The following CDC14A variants were observed in gnomAD, a reference collection of about 807,000 sequenced individuals.
CDC14A encodes the protein dual specificity protein phosphatase CDC14A.
A neutral mutation model predicts 74.4 loss-of-function variants in CDC14A; 53 were observed. That is an observed-to-expected ratio of 0.71 (90% confidence interval 0.57 to 0.89). CDC14A has a LOEUF of 0.89. Among genes scored for constraint, CDC14A ranks in the 40% least tolerant of loss-of-function variants. The pLI is 0.00. For missense variants in CDC14A, 646 were observed against 713.7 expected (o/e 0.91, Z 1.08); for synonymous variants, 247 against 258.4 (o/e 0.96, Z 0.43).
At chr1:100,417,671 T>G (rs1217784090) in intron 4 of CDC14A, among the ~76,000 whole-genome samples, 3 of 152,230 alleles carry the variant, frequency 2.0e-5, no homozygotes, top group Non-Finnish European at 4.4e-5. Context: ...GAATTGACTC[T>G]ATTTGGCTTG....
chr1:100,369,660 C>T (rs986852820), intron 2 of CDC14A, among the ~76,000 whole-genome samples: 3 of 152,000 alleles, frequency 2.0e-5, no homozygotes, highest in African/African-American at 7.3e-5. Flanking sequence ...GAATATTTTT[C>T]CCCTTCTGTA....
intron 9 of CDC14A, 97 bp from the exon 10 acceptor site, chr1:100,467,859 G>A: frequency 8.5e-7 from 1 of 1,176,282 alleles, no homozygotes; most frequent in Non-Finnish European, 1.2e-6. Flanking sequence ...CATCACACTT[G>A]AATGCAGAGC....
Position 100,404,757 on chromosome 1 carries a change from G to A in CDC14A, c.309+13933G>A, listed in dbSNP as rs548893065. Among the ~76,000 whole-genome samples, 37 of 152,128 alleles carry A rather than the reference G, an allele frequency of 2.4e-4. No homozygotes were observed. The South Asian group carries it at 5.4e-3, about 22-fold the overall frequency. On this transcript the variant is annotated intron_variant, in intron 4 of 15. Coordinates refer to ENST00000336454, the MANE Select transcript of CDC14A (RefSeq NM_003672.4). ...AGGCAGGAGAATCGCTTGAACCCGGGAGGCGGAGCTTGCAGTGAGCTGAGA... is the reference window on the plus strand; with the variant it reads ...AGGCAGGAGAATCGCTTGAACCCGGAAGGCGGAGCTTGCAGTGAGCTGAGA...
intron 11 of CDC14A, among the ~76,000 whole-genome samples, chr1:100,493,811 A>G (rs1647365674): frequency 2.0e-5 from 3 of 152,108 alleles, no homozygotes; most frequent in Non-Finnish European, 2.9e-5. Context: ...TGATCTTTTT[A>G]CTGTGGAACC....
chr1:100,459,086 A>AACAC lies in CDC14A; in HGVS notation c.608-3554_608-3551dup, dbSNP rs751247467. 7.0e-3 allele frequency among the ~76,000 whole-genome samples: 898 copies of AACAC among 129,094 alleles called. 14 individuals carry two copies. The highest frequency in any genetic ancestry group is 0.019 in the African/African-American group (524 of 28,144). 84.7% of individuals were successfully genotyped at this position (129,094 alleles called of 152,430 possible). A position where few individuals can be genotyped will look rare whatever the true frequency, so the allele number is the denominator to read the frequency against. ...TCACTGTCATTCTCACTTCTATTTAAACACACACACACACGCACACACACA... is the reference window on the plus strand; with the variant it reads ...TCACTGTCATTCTCACTTCTATTTAAACACACACACACACACACGCACACACACA... On this transcript the variant is annotated intron_variant, in intron 8 of 15. Transcript: ENST00000336454.
At chr1:100,380,733 C>A (rs1655987480) in intron 3 of CDC14A, among the ~76,000 whole-genome samples, 2 of 152,118 alleles carry the variant, frequency 1.3e-5, no homozygotes, top group African/African-American at 4.8e-5. Flanking sequence ...CAGCTCTCAC[C>A]CTTGTTGTTT....
intron 11 of CDC14A, among the ~76,000 whole-genome samples, chr1:100,489,465 C>G (rs1670393285): frequency 6.6e-6 from 1 of 152,052 alleles, no homozygotes; most frequent in Non-Finnish European, 1.5e-5. Flanking sequence ...TTTTGGTCAG[C>G]AATTACTTTA....
At position 100,491,548 on chromosome 1, in the gene CDC14A, C is replaced by CTCTA. The variant is rs1223420176; in HGVS notation, c.1138-3269_1138-3268insCTAT. Reference sequence around the variant, plus strand: ...TCTCTCTCTCTCTCTCTCTCTCTCTCTATATATATATATATATATATATAT... The same window carrying CTCTA: ...TCTCTCTCTCTCTCTCTCTCTCTCTCTCTATATATATATATATATATATATATAT... On this transcript the variant is annotated intron_variant, in intron 11 of 15. Transcript: ENST00000336454. Among the ~76,000 whole-genome samples the CTCTA allele has an allele frequency of 7.6e-3, 295 of 38,742 alleles. 6 individuals carry two copies. Among genetic ancestry groups the CTCTA allele is most frequent in the Non-Finnish European group, 0.012 (241 of 20,094 alleles). 25.4% of individuals were successfully genotyped at this position (38,742 alleles called of 152,430 possible).
intron 1 of CDC14A, among the ~76,000 whole-genome samples, chr1:100,346,349 C>T (rs1312108261): frequency 6.6e-6 from 1 of 151,732 alleles, no homozygotes; most frequent in Non-Finnish European, 1.5e-5. Flanking sequence ...GTATGAATGG[C>T]GTGGGTGCGG....
At chr1:100,478,849 C>T (rs145109818) in intron 10 of CDC14A, among the ~76,000 whole-genome samples, 72 of 152,284 alleles carry the variant, frequency 4.7e-4, no homozygotes, top group African/African-American at 1.7e-3. Flanking sequence ...CTTCCATTGT[C>T]TTCAGTGCTT....
chr1:100,370,944 G>A (rs1654394641), intron 2 of CDC14A, among the ~76,000 whole-genome samples: 1 of 152,164 alleles, frequency 6.6e-6, no homozygotes, highest in Non-Finnish European at 1.5e-5. Context: ...CCATGAGCAT[G>A]TAATGTTTTT....
chr1:100,496,421 A>G (rs1032325780), intron 13 of CDC14A, among the ~76,000 whole-genome samples: 1 of 151,922 alleles, frequency 6.6e-6, no homozygotes, highest in African/African-American at 2.4e-5. Flanking sequence ...TTTTTTCCCA[A>G]TCAGCATGCA....
chr1:100,375,496 C>T (rs548761447), intron 2 of CDC14A, among the ~76,000 whole-genome samples: 3 of 152,068 alleles, frequency 2.0e-5, no homozygotes, highest in Non-Finnish European at 2.9e-5. Context: ...TTAAAAAGTA[C>T]AGGCATTTCT....
chr1:100,494,886 A>G lies in CDC14A; in HGVS notation c.1206A>G (p.Leu402=). The G allele has an allele frequency of 6.2e-7, 1 of 1,613,190 alleles. No homozygotes were observed. Among genetic ancestry groups the G allele is most frequent in the South Asian group, 1.1e-5 (1 of 91,046 alleles). ...GITQGDKLRA[L]KSQRQPRTSP... is the part of the protein sequence containing the mutation. ...CCCAGGGAGACAAACTACGTGCCTTAAAAAGTCAGAGACAGCCACGTACCT... is the reference window on the plus strand; with the variant it reads ...CCCAGGGAGACAAACTACGTGCCTTGAAAAGTCAGAGACAGCCACGTACCT... Residue 402 remains leucine, a synonymous_variant, in exon 12 of 16, where the codon TTA becomes TTG. Coordinates refer to ENST00000336454, the MANE Select transcript of CDC14A (RefSeq NM_003672.4).
At chr1:100,396,178 G>A (rs1658452184) in intron 4 of CDC14A, among the ~76,000 whole-genome samples, 1 of 152,242 alleles carries the variant, frequency 6.6e-6, no homozygotes, top group African/African-American at 2.4e-5. Flanking sequence ...CACCCGTTGA[G>A]TTGGAAGCTG....
chr1:100,499,494 C>A (rs1648452492), intron 15 of CDC14A: 5 of 1,357,334 alleles, frequency 3.7e-6, no homozygotes, highest in Non-Finnish European at 4.8e-6. Flanking sequence ...TTTCTTCTTA[C>A]CCCCAACTCC....
chr1:100,373,609 T>C (rs1654786425), intron 2 of CDC14A, among the ~76,000 whole-genome samples: 2 of 152,182 alleles, frequency 1.3e-5, no homozygotes, highest in Non-Finnish European at 2.9e-5. Flanking sequence ...GAGATATGCC[T>C]ATACTCTTCA....
chr1:100,457,688 T>C (rs1666863250), intron 8 of CDC14A, among the ~76,000 whole-genome samples: 1 of 151,514 alleles, frequency 6.6e-6, no homozygotes, highest in African/African-American at 2.4e-5. Context: ...GGGCTGGTCT[T>C]GAACTGCTGG....
At chr1:100,421,338 T>G (rs1445488778) in intron 4 of CDC14A, among the ~76,000 whole-genome samples, 1 of 152,220 alleles carries the variant, frequency 6.6e-6, no homozygotes, top group Non-Finnish European at 1.5e-5. Context: ...AAAATATTTT[T>G]AGAAATATTA....
Sources: gnomAD v4.1 joint callset for allele counts (sites outside exome capture counted in the v4.1 genomes callset) on GRCh38, gnomAD v4.1.1 for gene constraint, MANE v1.5 for transcripts, NCBI Gene and HGNC (gene_info 2026-07-23, HGNC 2026-07-21) for gene names.